Variants in MPC2 observed in about 807,000 individuals in gnomAD.
MPC2 encodes the protein mitochondrial pyruvate carrier 2.
In MPC2, 19 loss-of-function variants were observed where a neutral mutation model predicts 19.2. The observed-to-expected ratio is 0.99, with a 90% CI of 0.69 to 1.45. The LOEUF (loss-of-function observed/expected upper bound fraction) is 1.45, where lower values mean the gene tolerates loss of function less well. Ranked by LOEUF, MPC2 falls within the 40% of genes most tolerant of loss-of-function variation. The pLI is 0.00. For synonymous variants in MPC2, 61 were observed against 54.3 expected (o/e 1.12, Z -0.54); for missense variants, 122 against 153.0 (o/e 0.80, Z 1.07).
chr1:167,920,911 C>T (rs537751802), intron 3 of MPC2, among the ~76,000 whole-genome samples: 1 of 152,140 alleles, frequency 6.6e-6, no homozygotes, highest in East Asian at 1.9e-4. Context: ...ATGCATTACA[C>T]GTACATATAT....
At chr1:167,927,743 G>C (rs1345959226) in intron 2 of MPC2, among the ~76,000 whole-genome samples, 2 of 152,064 alleles carry the variant, frequency 1.3e-5, no homozygotes, top group African/African-American at 4.8e-5. Flanking sequence ...CCTAGAGCTA[G>C]GTAATAGTTT....
At chr1:167,924,776 T>C (rs1670692113) in intron 2 of MPC2, among the ~76,000 whole-genome samples, 2 of 152,136 alleles carry the variant, frequency 1.3e-5, no homozygotes, top group African/African-American at 4.8e-5. Context: ...TGTATGCAAA[T>C]TTTTTTCAGT....
intron 2 of MPC2, among the ~76,000 whole-genome samples, chr1:167,931,254 TCTGAG>T (rs1353885924): frequency 2.0e-5 from 3 of 152,326 alleles, no homozygotes; most frequent in East Asian, 1.9e-4. Flanking sequence ...TATGAATTCT[TCTGAG>T]AATACAAACT....
At chr1:167,936,859 T>G in intron 1 of MPC2, 80 bp downstream of exon 1, 1 of 771,100 alleles carries the variant, frequency 1.3e-6, no homozygotes, top group Non-Finnish European at 2.1e-6. Context: ...CCCCTCCCCC[T>G]CCTCCCCTCC....
At chr1:167,918,695 G>A (rs770295369) in intron 5 of MPC2, among the ~76,000 whole-genome samples, 13 of 150,394 alleles carry the variant, frequency 8.6e-5, no homozygotes, top group Middle Eastern at 3.5e-3. Flanking sequence ...CCGGGTTCAC[G>A]CCATTCTCCT....
At chr1:167,922,971 A>G (rs1387681039) in intron 3 of MPC2, among the ~76,000 whole-genome samples, 1 of 152,174 alleles carries the variant, frequency 6.6e-6, no homozygotes, top group Non-Finnish European at 1.5e-5. Context: ...ACTAATCATT[A>G]GGGAAGTGCA....
chr1:167,932,181 A>T (rs1451268832), intron 2 of MPC2, among the ~76,000 whole-genome samples: 1 of 152,230 alleles, frequency 6.6e-6, no homozygotes, highest in East Asian at 1.9e-4. Flanking sequence ...TAGACTCTTT[A>T]GAGCTGTGGT....
chr1:167,932,224 G>T (rs1670931676), intron 2 of MPC2, among the ~76,000 whole-genome samples: 1 of 151,970 alleles, frequency 6.6e-6, no homozygotes, highest in African/African-American at 2.4e-5. Flanking sequence ...TGCCCTATCA[G>T]TAAAAAACAA....
At chr1:167,928,066 C>T (rs1480562213) in intron 2 of MPC2, among the ~76,000 whole-genome samples, 9 of 151,936 alleles carry the variant, frequency 5.9e-5, no homozygotes, top group Admixed American at 2.6e-4. Context: ...AAAAAAAGGT[C>T]GGCCGGGCGC....
chr1:167,928,339 A>G (rs1181827616), intron 2 of MPC2, among the ~76,000 whole-genome samples: 1 of 151,570 alleles, frequency 6.6e-6, no homozygotes, highest in Non-Finnish European at 1.5e-5. Context: ...AAAAAAAGTC[A>G]CACAATGGGT....
chr1:167,922,099 C>A (rs1188152737), intron 3 of MPC2, among the ~76,000 whole-genome samples: 1 of 152,082 alleles, frequency 6.6e-6, no homozygotes, highest in African/African-American at 2.4e-5. Flanking sequence ...GATTAATTAT[C>A]AAATACTCTG....
chr1:167,934,298 T>C (rs1319112862), intron 2 of MPC2, among the ~76,000 whole-genome samples: 1 of 152,202 alleles, frequency 6.6e-6, no homozygotes, highest in African/African-American at 2.4e-5. Context: ...GTCATGCCCT[T>C]ATCCTACAGC....
chr1:167,925,320 T>C (rs1670706382), intron 2 of MPC2, among the ~76,000 whole-genome samples: 2 of 151,228 alleles, frequency 1.3e-5, no homozygotes, highest in African/African-American at 2.4e-5. Flanking sequence ...TATTACCTAA[T>C]AGAATGTAGA....
chr1:167,931,882 G>T (rs1165504021), intron 2 of MPC2, among the ~76,000 whole-genome samples: 1 of 151,966 alleles, frequency 6.6e-6, no homozygotes, highest in Admixed American at 6.6e-5. Flanking sequence ...TATCCTCTAG[G>T]TCTTTAAAAT....
Position 167,937,014 on chromosome 1 carries a change from C to CG in MPC2, c.-134dup, listed in dbSNP as rs1671347921. On this transcript the variant is annotated 5_prime_UTR_variant, in exon 1 of 6. Coordinates refer to ENST00000271373, the MANE Select transcript of MPC2 (RefSeq NM_001143674.4). ...GCTGCGGAGTCGCTACCTGGGTGAG[C>CG]GGGGGCCCCGGGGCGGAGGCGCTGA... 1 of 1,603,150 alleles carries CG rather than the reference C, an allele frequency of 6.2e-7. No individual in the cohort carries two copies. Among genetic ancestry groups the CG allele is most frequent in the South Asian group, 1.1e-5 (1 of 89,192 alleles).
At chr1:167,924,047 T>C (rs370759282) in intron 3 of MPC2, among the ~76,000 whole-genome samples, 179 of 152,354 alleles carry the variant, frequency 1.2e-3, no homozygotes, top group African/African-American at 4.3e-3. Flanking sequence ...AAGTCCTAGG[T>C]TCTCTCATTT....
intron 2 of MPC2, among the ~76,000 whole-genome samples, chr1:167,926,624 T>C (rs1427256161): frequency 2.0e-5 from 3 of 150,784 alleles, no homozygotes; most frequent in African/African-American, 7.3e-5. Context: ...CTGCAGATGC[T>C]GCTGCTGCTG....
At chr1:167,935,334 G>A (rs1174490584) in intron 2 of MPC2, among the ~76,000 whole-genome samples, 1 of 152,220 alleles carries the variant, frequency 6.6e-6, no homozygotes, top group Non-Finnish European at 1.5e-5. Context: ...CCTACAGTGC[G>A]ACAAACCACC....
At position 167,932,988 on chromosome 1, in the gene MPC2, T is replaced by G. The variant is rs191935989; in HGVS notation, c.109+2745A>C. On this transcript the variant is annotated intron_variant, in intron 2 of 5. Coordinates refer to ENST00000271373, the MANE Select transcript of MPC2 (RefSeq NM_001143674.4). ...GGGACTGACATCCTTTTTTGTGAGT[T>G]GAGGAACTTGACCAGGACACACATT... Among the ~76,000 whole-genome samples, 20 of 152,084 alleles carry G rather than the reference T, an allele frequency of 1.3e-4. No individual in the cohort carries two copies. The East Asian group carries it at 3.7e-3, about 28-fold the overall frequency.
Sources: gnomAD v4.1 joint callset for allele counts (sites outside exome capture counted in the v4.1 genomes callset) on GRCh38, gnomAD v4.1.1 for gene constraint, MANE v1.5 for transcripts, NCBI Gene and HGNC (gene_info 2026-07-23, HGNC 2026-07-21) for gene names.